Variants in RALGAPA1 observed in about 807,000 individuals in gnomAD.
The protein encoded by RALGAPA1 is Ral GTPase activating protein catalytic subunit alpha 1.
Under a neutral mutation model 269.6 loss-of-function variants are expected in RALGAPA1, and 52 were observed. That is an observed-to-expected ratio of 0.19 (90% CI 0.15 to 0.24). The LOEUF (loss-of-function observed/expected upper bound fraction) is 0.24. RALGAPA1 is among the 10% of genes least tolerant of loss of function. The probability of loss-of-function intolerance (pLI) is 1.00; values close to 1 mark genes in which losing one functional copy is unlikely to be tolerated. For missense variants in RALGAPA1, 1,917 were observed against 3,013.9 expected (o/e 0.64, Z 8.52); for synonymous variants, 817 against 1,008.3 (o/e 0.81, Z 3.60).
At chr14:35,617,654 A>AGG (rs1396185546) in intron 35 of RALGAPA1, among the ~76,000 whole-genome samples, 1 of 12,702 alleles carries the variant, frequency 7.9e-5, no homozygotes, top group Non-Finnish European at 1.7e-4. Context: ...GGGGGGGGGA[A>AGG]GGGGGTGAAT....
At chr14:35,615,017 CCTT>C (rs149798622) in intron 35 of RALGAPA1, among the ~76,000 whole-genome samples, 6,131 of 152,130 alleles carry the variant, frequency 0.04, 341 homozygotes, top group African/African-American at 0.12. Flanking sequence ...TTTCACTACT[CCTT>C]CTTATTTTTC....
chr14:35,560,939 C>G (rs566055067), intron 39 of RALGAPA1, among the ~76,000 whole-genome samples: 4 of 152,152 alleles, frequency 2.6e-5, no homozygotes, highest in African/African-American at 9.6e-5. Flanking sequence ...TTTTAAAATA[C>G]GGTAACATCG....
chr14:35,539,350 A>G lies in RALGAPA1; in HGVS notation c.*364T>C. Reference sequence around the variant, plus strand: ...GGCAGCTTGGATTGTGGGAAAAAAAATGAAACAATAAATAACTTAAATCTT... The same window carrying G: ...GGCAGCTTGGATTGTGGGAAAAAAAGTGAAACAATAAATAACTTAAATCTT... On this transcript the variant is annotated 3_prime_UTR_variant, in exon 42 of 42. Coordinates refer to ENST00000680220, the MANE Select transcript of RALGAPA1 (RefSeq NM_001346249.2). 1.3e-6 allele frequency: 1 copy of G among 747,800 alleles called. No individual in the cohort carries two copies. The allele number at this position is 747,800 out of a possible 1,614,324, so 46.3% of individuals were successfully genotyped here. A position where few individuals can be genotyped will look rare whatever the true frequency, so the allele number is the denominator to read the frequency against.
intron 37 of RALGAPA1, among the ~76,000 whole-genome samples, chr14:35,591,864 T>A (rs563070645): frequency 5.1e-4 from 78 of 152,200 alleles, no homozygotes; most frequent in Non-Finnish European, 9.8e-4. Context: ...AGGTTTCACC[T>A]GTACTGTTCT....
chr14:35,648,229 G>A (rs1050638986), intron 31 of RALGAPA1, among the ~76,000 whole-genome samples: 3 of 151,924 alleles, frequency 2.0e-5, no homozygotes, highest in Non-Finnish European at 2.9e-5. Flanking sequence ...CCCAGGAGAC[G>A]GAGGTTGCAA....
chr14:35,539,378 A>T lies in RALGAPA1; in HGVS notation c.*336T>A. The T allele has an allele frequency of 1.3e-6, 1 of 784,284 alleles. No homozygotes were observed. The highest frequency in any genetic ancestry group is 3.8e-5 in the Admixed American group (1 of 26,040). 48.6% of individuals were successfully genotyped at this position (784,284 alleles called of 1,614,324 possible). On this transcript the variant is annotated 3_prime_UTR_variant, in exon 42 of 42. Transcript: ENST00000680220. The stretch of plus-strand genomic sequence containing the variant: ...AAACAATAAATAACTTAAATCTTTA[A>T]TATTAAGCTACAAATTATTTAAAAT...
At chr14:35,750,386 T>C (rs1449883814) in intron 9 of RALGAPA1, 96 bp downstream of exon 9, 1 of 691,820 alleles carries the variant, frequency 1.4e-6, no homozygotes, top group African/African-American at 1.8e-5. Flanking sequence ...AGCACTATTA[T>C]TTAAGTGTAC....
At chr14:35,541,775 G>A (rs746085173) in intron 41 of RALGAPA1, 4 of 456,962 alleles carry the variant, frequency 8.8e-6, no homozygotes, top group Non-Finnish European at 1.8e-5. Context: ...GGAGGTTTTG[G>A]GAGGAAGAGA....
intron 39 of RALGAPA1, among the ~76,000 whole-genome samples, chr14:35,550,407 A>G (rs2054882970): frequency 6.6e-6 from 1 of 152,116 alleles, no homozygotes; most frequent in Non-Finnish European, 1.5e-5. Flanking sequence ...TTTTCCCCAA[A>G]GTCCACTTTA....
chr14:35,560,318 A>C (rs1566680714), intron 39 of RALGAPA1, among the ~76,000 whole-genome samples: 3 of 152,108 alleles, frequency 2.0e-5, no homozygotes, highest in Admixed American at 6.5e-5. Flanking sequence ...TCTTCCCTTT[A>C]TATCATCCAG....
rs1282830017 is a variant in RALGAPA1 at position 35,808,932 on chromosome 14, A to T, written c.-97T>A. 6.6e-7 allele frequency: 1 copy of T among 1,509,032 alleles called. No homozygotes were observed. Among genetic ancestry groups the T allele is most frequent in the African/African-American group, 1.4e-5 (1 of 72,110 alleles). The allele number at this position is 1,509,032 out of a possible 1,614,324, so 93.5% of individuals were successfully genotyped here. A position where few individuals can be genotyped will look rare whatever the true frequency, so the allele number is the denominator to read the frequency against. On this transcript the variant is annotated 5_prime_UTR_variant, in exon 1 of 42. Transcript: ENST00000680220. ...GGAGTGGACGGGGAGGAGACTAGCC[A>T]GAGAGGCTCATTAGCTCCCCAGCCT...
chr14:35,679,468 G>A (rs1201713947), intron 21 of RALGAPA1, among the ~76,000 whole-genome samples: 1 of 152,162 alleles, frequency 6.6e-6, no homozygotes, highest in Non-Finnish European at 1.5e-5. Flanking sequence ...CCCTAAACAT[G>A]CTCAGAACAC....
chr14:35,592,085 T>G (rs1200205335), intron 37 of RALGAPA1, among the ~76,000 whole-genome samples: 1 of 152,204 alleles, frequency 6.6e-6, no homozygotes, highest in African/African-American at 2.4e-5. Context: ...TCTCAGGCAG[T>G]TTCTTTATAG....
intron 30 of RALGAPA1, among the ~76,000 whole-genome samples, chr14:35,652,319 TATCACCTGAA>T (rs2062883229): frequency 6.6e-6 from 1 of 152,014 alleles, no homozygotes; most frequent in Non-Finnish European, 1.5e-5. Flanking sequence ...ACTGTAATCC[TATCACCTGAA>T]GAAATCTACT....
In RALGAPA1 at chr14:35,770,988, T is replaced by A; in HGVS notation, c.279A>T (p.Gln93His). 7.2e-7 allele frequency: 1 copy of A among 1,382,668 alleles called. No homozygotes were observed. The highest frequency in any genetic ancestry group is 1.0e-6 in the Non-Finnish European group (1 of 999,460). The allele number at this position is 1,382,668 out of a possible 1,614,324, so 85.6% of individuals were successfully genotyped here. ...AILFIFEKIL[Q>H]LLPERIHQRW... ...GCTGATGAATTCTTTCTGGAAGAAG[T>A]TGTAAAATTTTCTAAAAATCAATAT... Residue 93 changes from glutamine to histidine, a missense_variant, in exon 4 of 42, where the codon CAA becomes CAT. This residue lies in a region of RALGAPA1 where 462 missense variants were observed against 725.6 expected (regional missense o/e 0.64). Transcript: ENST00000680220.
At chr14:35,568,840 C>T (rs760262747) in intron 39 of RALGAPA1, among the ~76,000 whole-genome samples, 20 of 152,178 alleles carry the variant, frequency 1.3e-4, no homozygotes, top group Non-Finnish European at 4.4e-5. Context: ...GAAATAAACT[C>T]GCCATGTCCA....
intron 3 of RALGAPA1, 70 bp from the exon 4 acceptor site, chr14:35,771,069 G>T: frequency 1.5e-6 from 1 of 650,070 alleles, no homozygotes; most frequent in Non-Finnish European, 2.6e-6. Context: ...CCTGCAAAAT[G>T]TGAAAAATTA....
intron 1 of RALGAPA1, among the ~76,000 whole-genome samples, chr14:35,792,825 A>AAGAAAG (rs1567241408): frequency 1.9e-5 from 2 of 107,088 alleles, no homozygotes; most frequent in African/African-American, 8.0e-5. Flanking sequence ...AAGAGAAAGA[A>AAGAAAG]AGAAAGAAAG....
chr14:35,742,525 T>C lies in RALGAPA1; in HGVS notation c.1292A>G (p.Lys431Arg). 2 of 1,609,344 alleles carry C rather than the reference T, an allele frequency of 1.2e-6. No individual in the cohort carries two copies. The highest frequency in any genetic ancestry group is 4.5e-5 in the East Asian group (2 of 44,714). ...LPICEAAAMR[K>R]VVKVYQEWIQ... is the part of the protein sequence containing the mutation. The stretch of plus-strand genomic sequence containing the variant: ...CCATTCTTGATATACTTTTACCACT[T>C]TTCTCATAGCTGCTGCTTCACAAAT... Residue 431 changes from lysine to arginine, a missense_variant, in exon 11 of 42, where the codon AAA (lysine) becomes AGA (arginine). Coordinates refer to ENST00000680220, the MANE Select transcript of RALGAPA1 (RefSeq NM_001346249.2).
Sources: gnomAD v4.1 joint callset for allele counts (sites outside exome capture counted in the v4.1 genomes callset) on GRCh38, gnomAD v4.1.1 for gene constraint, gnomAD v4.1.1 regional missense constraint, MANE v1.5 for transcripts, NCBI Gene and HGNC (gene_info 2026-07-23, HGNC 2026-07-21) for gene names.